Variants in AKAP7 observed in about 807,000 individuals in gnomAD.
AKAP7 encodes A-kinase anchoring protein 7.
Under a neutral mutation model 39.5 loss-of-function variants are expected in AKAP7, and 39 were observed. The observed-to-expected ratio is 0.99, with a 90% CI of 0.76 to 1.29. The LOEUF is 1.29. Among genes scored for constraint, AKAP7 ranks in the 50% most tolerant of loss-of-function variants. The pLI, the probability that AKAP7 is intolerant of heterozygous loss-of-function variation, is 0.00. For missense variants in AKAP7, 414 were observed against 407.7 expected (o/e 1.02, Z -0.13); for synonymous variants, 140 against 139.1 (o/e 1.01, Z -0.05).
rs180937842 is a variant in AKAP7, at chr6:131,280,592, C to A, written c.851-938C>A. On this transcript the variant is annotated intron_variant, in intron 7 of 7. Transcript: ENST00000431975. ...GGTAATCTTGCAAAACTGAGCTGATCTTAATGTGCGAGCATCCTGTGACTT... is the reference window on the plus strand; with the variant it reads ...GGTAATCTTGCAAAACTGAGCTGATATTAATGTGCGAGCATCCTGTGACTT... Among the ~76,000 whole-genome samples, 261 of 152,328 alleles carry A rather than the reference C, an allele frequency of 1.7e-3. 1 individual carries two copies. Among genetic ancestry groups the A allele is most frequent in the African/African-American group, 6.2e-3 (256 of 41,582 alleles).
At chr6:131,214,293 T>C (rs1052462490) in intron 6 of AKAP7, among the ~76,000 whole-genome samples, 4 of 152,216 alleles carry the variant, frequency 2.6e-5, no homozygotes, top group Admixed American at 6.5e-5. Context: ...ATATTGTAAA[T>C]GTTAGTTAAA....
chr6:131,219,113 A>T (rs1809465469), intron 6 of AKAP7, among the ~76,000 whole-genome samples: 1 of 152,000 alleles, frequency 6.6e-6, no homozygotes, highest in Non-Finnish European at 1.5e-5. Context: ...CTAAAATTAC[A>T]AAAAATATTT....
In AKAP7 at chr6:131,145,380, C is replaced by A; in HGVS notation, c.115C>A (p.Pro39Thr). The A allele has an allele frequency of 6.4e-7, 1 of 1,562,144 alleles. No individual in the cohort carries two copies. Residue 39 changes from proline to threonine, a missense_variant, in exon 2 of 8, where the codon CCA becomes ACA. Transcript: ENST00000431975. ...TACTATGGATTCTCTGGTAGACATGCCATTTGCTACTGTAGATATTCAGGA... is the reference window on the plus strand; with the variant it reads ...TACTATGGATTCTCTGGTAGACATGACATTTGCTACTGTAGATATTCAGGA... ...ANTMDSLVDMPFATVDIQDDC... is the reference protein window; with the variant it reads ...ANTMDSLVDMTFATVDIQDDC...
chr6:131,167,496 T>C (rs1207275442), intron 4 of AKAP7, among the ~76,000 whole-genome samples: 1 of 152,228 alleles, frequency 6.6e-6, no homozygotes, highest in African/African-American at 2.4e-5. Flanking sequence ...GGAATAGCTG[T>C]TCTGTTATCA....
At chr6:131,255,678 G>C (rs1358340126) in intron 7 of AKAP7, among the ~76,000 whole-genome samples, 1 of 152,136 alleles carries the variant, frequency 6.6e-6, no homozygotes, top group East Asian at 1.9e-4. Context: ...ACCCAGCTCT[G>C]CTATTACATC....
chr6:131,148,568 T>C (rs186222781), intron 2 of AKAP7, among the ~76,000 whole-genome samples: 3 of 152,314 alleles, frequency 2.0e-5, no homozygotes, highest in South Asian at 2.1e-4. Context: ...ATAAATGTTA[T>C]TTATAAAACC....
chr6:131,220,378 G>A (rs1266331444), intron 7 of AKAP7, among the ~76,000 whole-genome samples: 1 of 152,182 alleles, frequency 6.6e-6, no homozygotes, highest in African/African-American at 2.4e-5. Flanking sequence ...TGGAAAGTGT[G>A]TACACTTAGG....
chr6:131,164,649 T>A (rs1803303997), intron 3 of AKAP7: 1 of 318,896 alleles, frequency 3.1e-6, no homozygotes, highest in South Asian at 2.7e-5. Flanking sequence ...AATTATTGCT[T>A]CTAACAGAAA....
At chr6:131,137,758 T>C (rs1412507610) in intron 1 of AKAP7, 3 of 152,170 alleles carry the variant, frequency 2.0e-5, no homozygotes, top group Admixed American at 6.5e-5. Context: ...AAAGGTATGG[T>C]TTTATAATAT....
intron 7 of AKAP7, chr6:131,250,640 G>GA (rs1207505190): frequency 6.2e-7 from 1 of 1,611,264 alleles, no homozygotes; most frequent in East Asian, 2.2e-5. Context: ...GTACTGTGCA[G>GA]AATCCTAAGT....
At chr6:131,200,590 C>T (rs1051407446) in intron 6 of AKAP7, among the ~76,000 whole-genome samples, 1 of 152,034 alleles carries the variant, frequency 6.6e-6, no homozygotes, top group African/African-American at 2.4e-5. Context: ...GTTTGGGTGA[C>T]TCACCATCCT....
intron 7 of AKAP7, among the ~76,000 whole-genome samples, chr6:131,280,430 C>T (rs1228126808): frequency 6.6e-6 from 1 of 152,182 alleles, no homozygotes; most frequent in Non-Finnish European, 1.5e-5. Context: ...GGCATACCTG[C>T]TTCTGTTCTT....
At chr6:131,134,580 G>A (rs1365405056), upstream of AKAP7, among the ~76,000 whole-genome samples, 2 of 152,164 alleles carry the variant, frequency 1.3e-5, no homozygotes, top group Non-Finnish European at 2.9e-5. Context: ...TCAGCACAGA[G>A]CTCAAGCATT....
At chr6:131,197,646 G>A (rs1424875918) in intron 5 of AKAP7, among the ~76,000 whole-genome samples, 1 of 152,040 alleles carries the variant, frequency 6.6e-6, no homozygotes, top group Non-Finnish European at 1.5e-5. Flanking sequence ...GCTCTGCTGT[G>A]TCTCACCTGT....
intron 2 of AKAP7, among the ~76,000 whole-genome samples, chr6:131,152,727 T>C (rs559767060): frequency 6.7e-6 from 1 of 148,498 alleles, no homozygotes; most frequent in East Asian, 2.0e-4. Context: ...TTTGGGAGGC[T>C]GAAACATGAG....
At chr6:131,213,739 G>A (rs1808891634) in intron 6 of AKAP7, among the ~76,000 whole-genome samples, 1 of 152,198 alleles carries the variant, frequency 6.6e-6, no homozygotes, top group Non-Finnish European at 1.5e-5. Context: ...TGGCCAAACA[G>A]CATATGGTCT....
chr6:131,166,295 A>G (rs1443188422), intron 4 of AKAP7, among the ~76,000 whole-genome samples: 1 of 152,162 alleles, frequency 6.6e-6, no homozygotes, highest in African/African-American at 2.4e-5. Flanking sequence ...GATGCTCTTG[A>G]AAGAGCATCC....
At chr6:131,155,148 G>C (rs915984639) in intron 2 of AKAP7, among the ~76,000 whole-genome samples, 1 of 151,976 alleles carries the variant, frequency 6.6e-6, no homozygotes. Flanking sequence ...CAAGTAGCTG[G>C]GATTATAGGT....
intron 7 of AKAP7, among the ~76,000 whole-genome samples, chr6:131,247,132 C>T (rs982885105): frequency 6.6e-6 from 1 of 151,544 alleles, no homozygotes; most frequent in Non-Finnish European, 1.5e-5. Flanking sequence ...TTTTAGAATT[C>T]TTATCTTGAA....
Sources: allele counts gnomAD v4.1 joint callset (sites outside exome capture counted in the v4.1 genomes callset), GRCh38; gene constraint gnomAD v4.1.1; transcripts MANE v1.5; gene names NCBI Gene and HGNC (gene_info 2026-07-23, HGNC 2026-07-21).